The following LENG8 variants were observed in gnomAD, a reference collection of about 807,000 sequenced individuals.
LENG8 encodes leukocyte receptor cluster member 8, also known as leukocyte receptor cluster (LRC) member 8.
In LENG8, 28 loss-of-function variants were observed where a neutral mutation model predicts 102.1. The ratio of observed to expected loss-of-function variants is 0.27; its 90% CI spans 0.20 to 0.38. The LOEUF (loss-of-function observed/expected upper bound fraction) is 0.38, where lower values mean the gene tolerates loss of function less well. LENG8 is among the 10% of genes least tolerant of loss of function. The pLI is 1.00. For synonymous variants in LENG8, 531 were observed against 456.7 expected, an observed-to-expected ratio of 1.16 and a Z score of -2.07; for missense variants, 1,022 against 1,113.9, an observed-to-expected ratio of 0.92 and a Z score of 1.17.
At position 54,457,747 on chromosome 19, in the gene LENG8, G is replaced by A; in HGVS notation, c.1732G>A (p.Val578Ile). 6.2e-7 allele frequency: 1 copy of A among 1,610,758 alleles called. No homozygotes were observed. Among genetic ancestry groups the A allele is most frequent in the Non-Finnish European group, 8.5e-7 (1 of 1,176,900 alleles). Residue 578 changes from valine (V) to isoleucine (I), a missense_variant and splice_region_variant, in exon 12 of 16, where the codon GTT becomes ATT. Coordinates refer to ENST00000326764, the MANE Select transcript of LENG8 (RefSeq NM_052925.4). The stretch of plus-strand genomic sequence containing the variant: ...GTGTGAATTCAGTTCCCTTTTTCAG[G>A]TTTTGAAAAAGTCGCTGTGCATGGT... ...PDPSTVRPVA[V>I]LKKSLCMVKC...
At chr19:54,460,719 G>GGCCCCCCCCCCCCCCC in intron 15 of LENG8, 47 bp from the exon 16 acceptor site, 2 of 778,920 alleles carry the variant, frequency 2.6e-6, no homozygotes, top group Non-Finnish European at 3.6e-6. Context: ...GCCCTCCCCT[G>GGCCCCCCCCCCCCCCC]CCCTCCCGCC....
At chr19:54,455,284 G>C in intron 7 of LENG8, 80 bp from the exon 8 acceptor site, 1 of 1,548,738 alleles carries the variant, frequency 6.5e-7, no homozygotes, top group Non-Finnish European at 8.9e-7. Context: ...GTCCCGCTGT[G>C]TCAGCTCAGA....
chr19:54,453,914 C>G (rs751020032), intron 5 of LENG8, among the ~76,000 whole-genome samples: 1 of 152,154 alleles, frequency 6.6e-6, no homozygotes, highest in East Asian at 1.9e-4. Context: ...GTGCACACAC[C>G]GGCTGGGTTT....
rs142283972 is a variant in LENG8 at position 54,453,638 on chromosome 19, C to G, written c.408C>G (p.His136Gln). 1.2e-5 allele frequency: 19 copies of G among 1,613,338 alleles called. No homozygotes were observed. Among genetic ancestry groups the G allele is most frequent in the East Asian group, 2.2e-5 (1 of 44,880 alleles). Residue 136 changes from histidine (H) to glutamine (Q), a missense_variant, in exon 5 of 16, where the codon CAC (histidine) becomes CAG (glutamine). This residue lies in a region of LENG8 where 343 missense variants were observed against 320.2 expected (regional missense o/e 1.07). Transcript: ENST00000326764. ...ATPQQPSAPQHQGTLNQPPVP... is the reference protein window; with the variant it reads ...ATPQQPSAPQQQGTLNQPPVP... ...CCCAGCAGCCATCCGCACCCCAACA[C>G]CAAGGGACTCTGAACCAGGTAACAT...
chr19:54,460,048 C>T lies in LENG8; in HGVS notation c.2241-718C>T, dbSNP rs1479121356. 15 of 1,286,842 alleles carry T rather than the reference C, an allele frequency of 1.2e-5. No homozygotes were observed. In the African/African-American group the frequency reaches 1.5e-4, roughly 13 times the overall value. 79.7% of individuals were successfully genotyped at this position (1,286,842 alleles called of 1,614,324 possible). On this transcript the variant is annotated intron_variant, in intron 15 of 15. Transcript: ENST00000326764. ...TGACCTCATTGTGTCAGCACCTTCC[C>T]CCCAAGGAGGCTGACCCTGCCCTGC...
intron 8 of LENG8, 101 bp downstream of exon 8, chr19:54,455,668 C>T: frequency 8.9e-7 from 1 of 1,127,536 alleles, no homozygotes; most frequent in Non-Finnish European, 1.3e-6. Context: ...CCAGGAGCTC[C>T]AAAGAGAAAT....
At chr19:54,453,045 T>C (rs2084036051) in intron 4 of LENG8, among the ~76,000 whole-genome samples, 1 of 152,248 alleles carries the variant, frequency 6.6e-6, no homozygotes, top group Non-Finnish European at 1.5e-5. Flanking sequence ...GCTCTCGCTT[T>C]GCCCTGGCTG....
At position 54,461,786 on chromosome 19, in the gene LENG8, C is replaced by CT. The variant is rs1569313943; in HGVS notation, c.*859dup. The CT allele has an allele frequency of 1.6e-6, 1 of 625,220 alleles. No individual in the cohort carries two copies. Among genetic ancestry groups the CT allele is most frequent in the Non-Finnish European group, 3.1e-6 (1 of 326,832 alleles). The allele number at this position is 625,220 out of a possible 1,614,324, so 38.7% of individuals were successfully genotyped here. On this transcript the variant is annotated 3_prime_UTR_variant, in exon 16 of 16. Transcript: ENST00000326764. ...TATTTAAGTTATTTTTCTTCCTCCT[C>CT]TCCCTTTTCTTTTTGGCCCTCCCTC...
chr19:54,451,266 C>T (rs1438024999), intron 1 of LENG8, 24 bp from the exon 2 acceptor site: 2 of 1,465,766 alleles, frequency 1.4e-6, no homozygotes, highest in Non-Finnish European at 9.6e-7. Context: ...CTTAAGTCTC[C>T]CTAACTCATT....
At chr19:54,459,095 G>T in intron 15 of LENG8, 1 of 1,381,504 alleles carries the variant, frequency 7.2e-7, no homozygotes, top group South Asian at 1.9e-5. Flanking sequence ...GCTTGCTGTG[G>T]GTGGGGATGA....
chr19:54,452,335 C>A, intron 3 of LENG8, 68 bp downstream of exon 3: 1 of 1,389,466 alleles, frequency 7.2e-7, no homozygotes, highest in South Asian at 1.3e-5. Context: ...GTCTGGCGTC[C>A]TGTTGTATCA....
rs1258288234 is a variant in LENG8, at chr19:54,454,595, C to T, written c.592C>T (p.Pro198Ser). 8 of 1,609,788 alleles carry T rather than the reference C, an allele frequency of 5.0e-6. No individual in the cohort carries two copies. Among genetic ancestry groups the T allele is most frequent in the South Asian group, 1.1e-5 (1 of 90,788 alleles). Residue 198 changes from proline to serine, a missense_variant, in exon 6 of 16, where the codon CCC becomes TCC. By Grantham distance (74) the Pro-to-Ser change is moderately conservative (BLOSUM62 -1). Around this residue, in one of 7 missense-constraint regions of LENG8, gnomAD observed 343 missense variants for 320.2 expected, o/e 1.07. Coordinates refer to ENST00000326764, the MANE Select transcript of LENG8 (RefSeq NM_052925.4). ...APATQHSQAG[P>S]ATGQAYGPHT... ...AGCCACACAGCACAGCCAGGCGGGG[C>T]CCGCCACGGGCCAGGCCTATGGGCC...
Position 54,456,454 on chromosome 19 carries a change from G to A in LENG8, c.1434G>A (p.Gln478=). ...TGGATCGGGGCCGAGGCAGGGCGCA[G>A]CGTGGGAAGAGGTGAGACTGTGTGA... ...AHMDRGRGRA[Q]RGKRHDLAPT... Residue 478 remains glutamine, a synonymous_variant, in exon 10 of 16, where the codon CAG becomes CAA. Transcript: ENST00000326764. The A allele has an allele frequency of 1.2e-6, 2 of 1,605,750 alleles. No individual in the cohort carries two copies. The highest frequency in any genetic ancestry group is 1.7e-6 in the Non-Finnish European group (2 of 1,178,932).
At position 54,449,291 on chromosome 19, in the gene LENG8, G is replaced by C. The variant is rs895343257; in HGVS notation, c.-75G>C. The C allele has an allele frequency of 2.6e-5, 4 of 152,506 alleles. No individual in the cohort carries two copies. The highest frequency in any genetic ancestry group is 9.6e-5 in the African/African-American group (4 of 41,464). 9.4% of individuals were successfully genotyped at this position (152,506 alleles called of 1,614,324 possible). ...CCTGGGTGGTTGTTGGCGTGTCCCT[G>C]CAGCGAAGGATCCTGGTTGGTAAGG... On this transcript the variant is annotated 5_prime_UTR_variant, in exon 1 of 16. Coordinates refer to ENST00000326764, the MANE Select transcript of LENG8 (RefSeq NM_052925.4).
intron 10 of LENG8, 28 bp from the exon 11 acceptor site, chr19:54,456,608 G>C (rs199888841): frequency 1.3e-6 from 2 of 1,590,684 alleles, no homozygotes; most frequent in Non-Finnish European, 8.6e-7. Context: ...GACGCCTGTC[G>C]CGCTCACTGC....
chr19:54,455,821 G>A (rs1281659017), intron 8 of LENG8, 146 bp from the exon 9 acceptor site: 14 of 903,966 alleles, frequency 1.5e-5, no homozygotes, highest in South Asian at 5.2e-5. Context: ...CTGGGTTCGC[G>A]TCTCATTTCT....
intron 15 of LENG8, chr19:54,459,974 G>C: frequency 1.6e-6 from 2 of 1,225,508 alleles, no homozygotes; most frequent in Non-Finnish European, 2.1e-6. Flanking sequence ...GGCCTTGGTT[G>C]GGAACATAGC....
At chr19:54,451,436 C>A (rs370086673) in intron 2 of LENG8, 54 bp downstream of exon 2, 11 of 1,576,800 alleles carry the variant, frequency 7.0e-6, no homozygotes, top group Non-Finnish European at 9.6e-6. Context: ...GGAAGCAAGA[C>A]CCAGTGCTGT....
chr19:54,455,875 C>T (rs769822390), intron 8 of LENG8, 92 bp from the exon 9 acceptor site: 229 of 1,382,878 alleles, frequency 1.7e-4, no homozygotes, highest in African/African-American at 3.8e-4. Context: ...CCTTTCCTTT[C>T]GGAGGCGGGT....
Sources: allele counts gnomAD v4.1 joint callset (sites outside exome capture counted in the v4.1 genomes callset), GRCh38; gene constraint gnomAD v4.1.1; regional missense constraint gnomAD v4.1.1; transcripts MANE v1.5; gene names NCBI Gene and HGNC (gene_info 2026-07-23, HGNC 2026-07-21).